The following CDH13 variants were observed in gnomAD, a reference collection of about 807,000 sequenced individuals.
CDH13 encodes the protein cadherin-13.
In CDH13, 24 loss-of-function variants were observed where a neutral mutation model predicts 63.8. The observed-to-expected ratio is 0.38, with a 90% CI of 0.27 to 0.53. CDH13 has a LOEUF of 0.53. CDH13 is among the 20% of genes least tolerant of loss of function. CDH13 has a pLI of 0.85. For synonymous variants in CDH13, 503 were observed against 355.3 expected (o/e 1.42, Z -4.67); for missense variants, 1,049 against 903.1 (o/e 1.16, Z -2.07).
intron 7 of CDH13, among the ~76,000 whole-genome samples, chr16:83,516,955 A>C (rs769832432): frequency 2.0e-5 from 3 of 152,176 alleles, no homozygotes; most frequent in African/African-American, 4.8e-5. Context: ...AGTGAGAGCA[A>C]AAATATTGTC....
chr16:83,090,341 C>T (rs59140285), intron 3 of CDH13, among the ~76,000 whole-genome samples: 22,255 of 151,768 alleles, frequency 0.15, 2,042 homozygotes, highest in African/African-American at 0.26. Context: ...TTTGGGAGGC[C>T]GAGGCGGGCA....
At chr16:83,091,154 A>C (rs921564551) in intron 3 of CDH13, among the ~76,000 whole-genome samples, 9 of 152,010 alleles carry the variant, frequency 5.9e-5, no homozygotes, top group African/African-American at 1.4e-4. Context: ...TATTTTAGTG[A>C]TCTCCTTCTT....
chr16:83,749,953 G>A lies in CDH13; in HGVS notation c.1681+1703G>A, dbSNP rs369234525. 3.8e-4 allele frequency among the ~76,000 whole-genome samples: 58 copies of A among 152,304 alleles called. 1 individual carries two copies. Among genetic ancestry groups the A allele is most frequent in the African/African-American group, 1.3e-3 (53 of 41,572 alleles). The stretch of plus-strand genomic sequence containing the variant: ...GGTGTTGAGTTAGTTGGCAGCTTCT[G>A]ATTGGTTAGCCTTAAGTTTCGTTTT... On this transcript the variant is annotated intron_variant, in intron 11 of 13. Coordinates refer to ENST00000567109, the MANE Select transcript of CDH13 (RefSeq NM_001257.5).
intron 1 of CDH13, among the ~76,000 whole-genome samples, chr16:82,746,699 T>A (rs936384232): frequency 6.6e-6 from 1 of 152,166 alleles, no homozygotes; most frequent in Non-Finnish European, 1.5e-5. Context: ...ACAATTTCAT[T>A]TTCCTAAGAC....
At chr16:82,741,995 C>A (rs180889183) in intron 1 of CDH13, among the ~76,000 whole-genome samples, 11 of 152,200 alleles carry the variant, frequency 7.2e-5, no homozygotes, top group Admixed American at 2.0e-4. Context: ...ATTATAGCAT[C>A]ATTTATAGTA....
chr16:82,818,641 A>T (rs1398251197), intron 1 of CDH13, among the ~76,000 whole-genome samples: 1 of 152,184 alleles, frequency 6.6e-6, no homozygotes, highest in Non-Finnish European at 1.5e-5. Context: ...AGAGGTGCTC[A>T]AAAGGCCCAC....
At chr16:83,708,702 C>T (rs1624528) in intron 10 of CDH13, among the ~76,000 whole-genome samples, 3 of 152,038 alleles carry the variant, frequency 2.0e-5, no homozygotes, top group African/African-American at 7.2e-5. Context: ...CATCAGGATA[C>T]ACCCATTTTC....
rs538971730 is a variant in CDH13, at chr16:83,799,402, T to A, written c.*4372T>A. The A allele has an allele frequency of 4.0e-5, 6 of 150,632 alleles. No individual in the cohort carries two copies. The highest frequency in any genetic ancestry group is 1.5e-4 in the African/African-American group (6 of 41,030). The allele number at this position is 150,632 out of a possible 1,614,324, so 9.3% of individuals were successfully genotyped here. A position where few individuals can be genotyped will look rare whatever the true frequency, so the allele number is the denominator to read the frequency against. ...GGGGAGAGAAAACTGAGGGAGAAAG[T>A]GGGGTGGGGTCTCAAAGGGTTTGCA... On this transcript the variant is annotated 3_prime_UTR_variant, in exon 14 of 14. Transcript: ENST00000567109.
intron 2 of CDH13, among the ~76,000 whole-genome samples, chr16:82,929,103 T>C (rs1057170562): frequency 6.6e-6 from 1 of 152,218 alleles, no homozygotes; most frequent in Non-Finnish European, 1.5e-5. Context: ...CTTTAAAAAA[T>C]ATGCTATCAT....
chr16:83,554,446 A>G (rs907835452), intron 7 of CDH13, among the ~76,000 whole-genome samples: 3 of 152,362 alleles, frequency 2.0e-5, no homozygotes, highest in African/African-American at 7.2e-5. Flanking sequence ...GAAGAAAAAT[A>G]GCAGCATGGC....
intron 7 of CDH13, among the ~76,000 whole-genome samples, chr16:83,552,372 A>T (rs889857809): frequency 1.3e-5 from 2 of 152,220 alleles, no homozygotes; most frequent in Non-Finnish European, 1.5e-5. Flanking sequence ...AGGAAATGCC[A>T]ATCTGGTAAC....
intron 7 of CDH13, among the ~76,000 whole-genome samples, chr16:83,504,644 G>T (rs531904424): frequency 6.6e-6 from 1 of 152,162 alleles, no homozygotes; most frequent in Non-Finnish European, 1.5e-5. Context: ...CTGATATGGG[G>T]TCATGGCAGG....
intron 5 of CDH13, among the ~76,000 whole-genome samples, chr16:83,239,999 A>AG (rs1266168947): frequency 5.3e-5 from 8 of 152,286 alleles, no homozygotes; most frequent in African/African-American, 1.7e-4. Context: ...AAATATCTGT[A>AG]AAGAGAGAAA....
chr16:83,246,938 T>C (rs1364972197), intron 5 of CDH13, among the ~76,000 whole-genome samples: 3 of 152,212 alleles, frequency 2.0e-5, no homozygotes, highest in African/African-American at 7.2e-5. Context: ...TCTGCCTTGG[T>C]GCCTTTGCGT....
intron 3 of CDH13, among the ~76,000 whole-genome samples, chr16:83,121,691 G>A (rs1002375589): frequency 1.3e-5 from 2 of 152,142 alleles, no homozygotes; most frequent in African/African-American, 2.4e-5. Context: ...TATAAATCAT[G>A]TCTCACTAAA....
chr16:83,678,295 C>A lies in CDH13; in HGVS notation c.1372C>A (p.Pro458Thr), dbSNP rs779061600. 7.4e-6 allele frequency: 12 copies of A among 1,613,834 alleles called. No individual in the cohort carries two copies. The Admixed American group carries it at 1.0e-4, about 13-fold the overall frequency. Reference protein sequence around the residue: ...DPLVPDVSYGPSSTATVHITV... With the variant: ...DPLVPDVSYGTSSTATVHITV... Reference sequence around the variant, plus strand: ...ACTCGTACCCGACGTCTCCTACGGCCCCAGCTCCACAGCCACCGTCCACAT... The same window carrying A: ...ACTCGTACCCGACGTCTCCTACGGCACCAGCTCCACAGCCACCGTCCACAT... The change falls in exon 10 of 14, where the codon CCC (proline) becomes ACC (threonine). Residue 458 changes from proline to threonine, a missense_variant. Physicochemically the swap from Pro to Thr is conservative, Grantham distance 38. Coordinates refer to ENST00000567109, the MANE Select transcript of CDH13 (RefSeq NM_001257.5).
At chr16:82,925,167 G>T (rs2042266419) in intron 2 of CDH13, among the ~76,000 whole-genome samples, 1 of 152,088 alleles carries the variant, frequency 6.6e-6, no homozygotes, top group South Asian at 2.1e-4. Context: ...CCTCTGTCAG[G>T]GGCTGCCTCC....
intron 3 of CDH13, among the ~76,000 whole-genome samples, chr16:83,114,817 A>T (rs1352115142): frequency 6.6e-6 from 1 of 152,244 alleles, no homozygotes; most frequent in East Asian, 1.9e-4. Flanking sequence ...GGTACTTCAA[A>T]GCTGGCTGAA....
chr16:83,413,136 A>C (rs1185207830), intron 6 of CDH13, among the ~76,000 whole-genome samples: 1 of 152,218 alleles, frequency 6.6e-6, no homozygotes, highest in Non-Finnish European at 1.5e-5. Context: ...GAAGTGTTTT[A>C]GTATAATGTT....
Sources: gnomAD v4.1 joint callset for allele counts (sites outside exome capture counted in the v4.1 genomes callset) on GRCh38, gnomAD v4.1.1 for gene constraint, MANE v1.5 for transcripts, NCBI Gene and HGNC (gene_info 2026-07-23, HGNC 2026-07-21) for gene names.